The following MARCHF3 variants were observed in gnomAD, a reference collection of about 807,000 sequenced individuals.
The protein encoded by MARCHF3 is membrane associated ring-CH-type finger 3.
A neutral mutation model predicts 24.2 loss-of-function variants in MARCHF3; 13 were observed. The ratio of observed to expected loss-of-function variants is 0.54; its 90% CI spans 0.35 to 0.85. The LOEUF (loss-of-function observed/expected upper bound fraction) is 0.85, where lower values mean the gene tolerates loss of function less well. Among genes scored for constraint, MARCHF3 ranks in the 40% least tolerant of loss-of-function variants. The pLI is 0.01. For missense variants in MARCHF3, 276 were observed against 325.0 expected, an observed-to-expected ratio of 0.85 and a Z score of 1.16; for synonymous variants, 144 against 137.3, an observed-to-expected ratio of 1.05 and a Z score of -0.34.
chr5:126,954,678 C>CTT (rs199567453), intron 1 of MARCHF3, among the ~76,000 whole-genome samples: 14 of 130,120 alleles, frequency 1.1e-4, no homozygotes, highest in African/African-American at 3.1e-4. Flanking sequence ...GCCCCAGTTT[C>CTT]TTTTTTTTTT....
At chr5:126,914,643 A>C (rs187531295) in intron 3 of MARCHF3, 252 of 502,284 alleles carry the variant, frequency 5.0e-4, no homozygotes, top group African/African-American at 4.1e-3. Flanking sequence ...AATGGAGATC[A>C]AGTCTCTAAA....
intron 1 of MARCHF3, among the ~76,000 whole-genome samples, chr5:126,925,344 C>T (rs1455791359): frequency 6.6e-6 from 1 of 152,156 alleles, no homozygotes; most frequent in East Asian, 1.9e-4. Flanking sequence ...TTCTCATCCA[C>T]ATGATTAATT....
chr5:126,968,529 C>T (rs189923865), intron 1 of MARCHF3, among the ~76,000 whole-genome samples: 50 of 152,260 alleles, frequency 3.3e-4, no homozygotes, highest in Non-Finnish European at 1.5e-5. Flanking sequence ...CATATGTATA[C>T]CTTCTTTGGA....
intron 1 of MARCHF3, among the ~76,000 whole-genome samples, chr5:126,991,139 G>A (rs1012678609): frequency 7.9e-5 from 12 of 152,178 alleles, no homozygotes; most frequent in African/African-American, 2.7e-4. Context: ...CAAAGACTTG[G>A]AACCAACCCA....
intron 1 of MARCHF3, among the ~76,000 whole-genome samples, chr5:127,015,739 A>G (rs73787403): frequency 0.051 from 7,839 of 152,264 alleles, 384 homozygotes; most frequent in South Asian, 0.14. Context: ...ACATCCCCCC[A>G]CTTATTTGTG....
chr5:126,988,247 C>G (rs973948110), intron 1 of MARCHF3, among the ~76,000 whole-genome samples: 2 of 152,176 alleles, frequency 1.3e-5, no homozygotes, highest in African/African-American at 2.4e-5. Flanking sequence ...ACAAGCCCCC[C>G]ACCCAACATC....
chr5:126,893,313 A>T, intron 3 of MARCHF3, among the ~76,000 whole-genome samples: 1 of 150,756 alleles, frequency 6.6e-6, no homozygotes, highest in African/African-American at 2.4e-5. Flanking sequence ...GATTTTAGTT[A>T]TTTCTTGCCT....
At chr5:126,871,157 G>A (rs969692333) in intron 4 of MARCHF3, among the ~76,000 whole-genome samples, 3 of 152,274 alleles carry the variant, frequency 2.0e-5, no homozygotes, top group Non-Finnish European at 4.4e-5. Flanking sequence ...TCAGCAATGC[G>A]CCTATCAGGT....
At position 127,027,095 on chromosome 5, in the gene MARCHF3, T is replaced by C. The variant is rs1753022471; in HGVS notation, c.-57+3255A>G. ...GGAGAACAGAATCCAAATGTCAGTA[T>C]CAAATGATAAATAAAAAACTAATTG... is the stretch of plus-strand genomic sequence containing the variant. On this transcript the variant is annotated intron_variant, in intron 1 of 4. Transcript: ENST00000308660. Among the ~76,000 whole-genome samples the C allele has an allele frequency of 2.0e-5, 3 of 152,152 alleles. No individual in the cohort carries two copies. In the South Asian group the frequency reaches 6.2e-4, roughly 32 times the overall value.
At chr5:126,902,735 C>G (rs1754150482) in intron 3 of MARCHF3, among the ~76,000 whole-genome samples, 1 of 152,066 alleles carries the variant, frequency 6.6e-6, no homozygotes. Flanking sequence ...TGTATTTAAG[C>G]TTTAAGTAAC....
intron 1 of MARCHF3, among the ~76,000 whole-genome samples, chr5:126,932,594 C>T (rs55887767): frequency 6.6e-6 from 1 of 152,056 alleles, no homozygotes; most frequent in African/African-American, 2.4e-5. Flanking sequence ...AGGACACATA[C>T]GAAGGCACAG....
chr5:126,892,333 G>C, intron 3 of MARCHF3, among the ~76,000 whole-genome samples: 1 of 150,624 alleles, frequency 6.6e-6, no homozygotes, highest in Non-Finnish European at 1.5e-5. Context: ...ATGTTGAATA[G>C]GAGTGGTGAG....
rs1045317303 is a variant in MARCHF3, at chr5:126,896,081, G to A, written c.394-17687C>T. 1.5e-4 allele frequency among the ~76,000 whole-genome samples: 23 copies of A among 152,234 alleles called. 1 individual carries two copies. Among genetic ancestry groups the A allele is most frequent in the South Asian group, 6.2e-4 (3 of 4,826 alleles). On this transcript the variant is annotated intron_variant, in intron 3 of 4. Coordinates refer to ENST00000308660, the MANE Select transcript of MARCHF3 (RefSeq NM_178450.5). ...GGAGTGACCCGATTTTCCAGGTGCC[G>A]TCCGTCACCCCTTTCTTTGACTCAG...
intron 4 of MARCHF3, among the ~76,000 whole-genome samples, chr5:126,873,518 A>G (rs1398273313): frequency 6.6e-6 from 1 of 152,054 alleles, no homozygotes; most frequent in Admixed American, 6.5e-5. Flanking sequence ...GGAGCTTGTT[A>G]GAATATCAGA....
chr5:127,029,121 C>G (rs1753092869), intron 1 of MARCHF3, among the ~76,000 whole-genome samples: 1 of 152,220 alleles, frequency 6.6e-6, no homozygotes, highest in Admixed American at 6.5e-5. Flanking sequence ...ACTAACACCC[C>G]ACAGCTCAGA....
chr5:126,957,677 T>C (rs1191010553), intron 1 of MARCHF3, among the ~76,000 whole-genome samples: 1 of 152,152 alleles, frequency 6.6e-6, no homozygotes, highest in African/African-American at 2.4e-5. Flanking sequence ...TCTATTTTTG[T>C]AAAACATCAC....
chr5:126,889,283 C>A (rs967555994), intron 3 of MARCHF3, among the ~76,000 whole-genome samples: 4 of 151,966 alleles, frequency 2.6e-5, no homozygotes, highest in Admixed American at 1.3e-4. Flanking sequence ...CAAATAAGAG[C>A]CCCCACTGGA....
At chr5:126,877,921 T>C (rs1318672181) in intron 4 of MARCHF3, among the ~76,000 whole-genome samples, 2 of 152,214 alleles carry the variant, frequency 1.3e-5, no homozygotes, top group Non-Finnish European at 2.9e-5. Context: ...GAAACGTCCA[T>C]GGTGTGTCTG....
intron 4 of MARCHF3, among the ~76,000 whole-genome samples, chr5:126,873,718 G>A (rs1353819372): frequency 6.6e-6 from 1 of 152,260 alleles, no homozygotes; most frequent in Non-Finnish European, 1.5e-5. Flanking sequence ...ACAAACAGAT[G>A]AGATCTTATT....
Sources: allele counts gnomAD v4.1 joint callset (sites outside exome capture counted in the v4.1 genomes callset), GRCh38; gene constraint gnomAD v4.1.1; transcripts MANE v1.5; gene names NCBI Gene and HGNC (gene_info 2026-07-23, HGNC 2026-07-21).